CASQ2: variants seen among roughly 807,000 people sequenced by gnomAD.
CASQ2 encodes calsequestrin-2.
Under a neutral mutation model 46.5 loss-of-function variants are expected in CASQ2, and 49 were observed. That is an observed-to-expected ratio of 1.05 (90% CI 0.84 to 1.34). The LOEUF (loss-of-function observed/expected upper bound fraction) is 1.34. Among genes scored for constraint, CASQ2 ranks in the 40% most tolerant of loss-of-function variants. The probability of loss-of-function intolerance (pLI) is 0.00; values close to 1 mark genes in which losing one functional copy is unlikely to be tolerated. For synonymous variants in CASQ2, 174 were observed against 168.5 expected, an observed-to-expected ratio of 1.03 and a Z score of -0.25; for missense variants, 486 against 481.3, an observed-to-expected ratio of 1.01 and a Z score of -0.09.
Position 115,703,357 on chromosome 1 carries a change from A to T in CASQ2, c.940-362T>A, listed in dbSNP as rs577651227. On this transcript the variant is annotated intron_variant, in intron 9 of 10. Coordinates refer to ENST00000261448, the MANE Select transcript of CASQ2 (RefSeq NM_001232.4). ...AAAATACCTTATCTTGTGCTACATG[A>T]GATAGCTGGGAAAGCCATGATGGGT... 2.0e-5 allele frequency among the ~76,000 whole-genome samples: 3 copies of T among 152,270 alleles called. No individual in the cohort carries two copies. In the South Asian group the frequency reaches 6.2e-4, roughly 32 times the overall value.
At position 115,700,274 on chromosome 1, in the gene CASQ2, T is replaced by C. The variant is rs564494904; in HGVS notation, c.*967A>G. ...GCATCAGTATGAACTCCAATTATTG[T>C]TGCCCTGGCCAATTGTGGGAGTACT... On this transcript the variant is annotated 3_prime_UTR_variant, in exon 11 of 11. Coordinates refer to ENST00000261448, the MANE Select transcript of CASQ2 (RefSeq NM_001232.4). 77 of 152,660 alleles carry C rather than the reference T, an allele frequency of 5.0e-4. 1 individual carries two copies. Among genetic ancestry groups the C allele is most frequent in the Admixed American group, 4.6e-3 (70 of 15,290 alleles). The allele number at this position is 152,660 out of a possible 1,614,324, so 9.5% of individuals were successfully genotyped here. A position where few individuals can be genotyped will look rare whatever the true frequency, so the allele number is the denominator to read the frequency against.
intron 1 of CASQ2, among the ~76,000 whole-genome samples, chr1:115,754,321 T>C (rs1648682498): frequency 6.6e-6 from 1 of 152,116 alleles, no homozygotes; most frequent in Admixed American, 6.5e-5. Flanking sequence ...GAGAGGCTGT[T>C]GATTGTTTTT....
chr1:115,758,325 G>C (rs566149964), intron 1 of CASQ2, among the ~76,000 whole-genome samples: 2 of 152,336 alleles, frequency 1.3e-5, no homozygotes, highest in South Asian at 4.1e-4. Context: ...ATGGTTTATG[G>C]TAAGTTCATA....
chr1:115,758,503 T>C (rs1370856305), intron 1 of CASQ2, among the ~76,000 whole-genome samples: 1 of 152,198 alleles, frequency 6.6e-6, no homozygotes, highest in Non-Finnish European at 1.5e-5. Context: ...GCAGGTGCTG[T>C]AGTTTGGACG....
intron 6 of CASQ2, among the ~76,000 whole-genome samples, chr1:115,726,337 T>C (rs908235819): frequency 6.6e-6 from 1 of 152,218 alleles, no homozygotes; most frequent in Non-Finnish European, 1.5e-5. Context: ...AAATAAACTT[T>C]TACTGGTACA....
chr1:115,703,158 C>T (rs367893692), intron 9 of CASQ2, among the ~76,000 whole-genome samples, 163 bp from the exon 10 acceptor site: 13 of 152,218 alleles, frequency 8.5e-5, no homozygotes, highest in African/African-American at 2.7e-4. Context: ...CCTTCAAGCA[C>T]TTCAAATAAG....
intron 5 of CASQ2, among the ~76,000 whole-genome samples, chr1:115,730,094 G>T (rs774409879): frequency 1.3e-5 from 2 of 152,216 alleles, no homozygotes; most frequent in Non-Finnish European, 2.9e-5. Flanking sequence ...TAATAGATCA[G>T]TACTGGTCCT....
intron 9 of CASQ2, among the ~76,000 whole-genome samples, chr1:115,704,129 C>T (rs1165674264): frequency 1.3e-5 from 2 of 152,150 alleles, no homozygotes; most frequent in African/African-American, 4.8e-5. Flanking sequence ...TTGATTCACC[C>T]CCTCCTCTAC....
intron 1 of CASQ2, among the ~76,000 whole-genome samples, chr1:115,754,591 G>A (rs61583642): frequency 0.068 from 10,408 of 152,126 alleles, 1,205 homozygotes; most frequent in African/African-American, 0.24. Flanking sequence ...TAACCAACTT[G>A]CCTGGGGACA....
chr1:115,725,582 A>C (rs1250135222), intron 6 of CASQ2, 29 bp from the exon 7 acceptor site: 2 of 1,581,662 alleles, frequency 1.3e-6, no homozygotes, highest in East Asian at 4.5e-5. Context: ...AAAAAAAAAG[A>C]AAGAGCTTCC....
intron 7 of CASQ2, among the ~76,000 whole-genome samples, chr1:115,718,178 A>G (rs1445383005): frequency 6.6e-6 from 1 of 152,244 alleles, no homozygotes; most frequent in African/African-American, 2.4e-5. Flanking sequence ...GCACTAAATG[A>G]GCCTCACTCC....
chr1:115,700,361 A>T lies in CASQ2; in HGVS notation c.*880T>A, dbSNP rs1654168136. ...ATCTTTAATCTAAATGGGAAGGCTC[A>T]CTAGCAGCTACAGAGAAGGGGTATT... On this transcript the variant is annotated 3_prime_UTR_variant, in exon 11 of 11. Transcript: ENST00000261448. 1 of 152,608 alleles carries T rather than the reference A, an allele frequency of 6.6e-6. No individual in the cohort carries two copies. The allele number at this position is 152,608 out of a possible 1,614,324, so 9.5% of individuals were successfully genotyped here. A position where few individuals can be genotyped will look rare whatever the true frequency, so the allele number is the denominator to read the frequency against.
intron 3 of CASQ2, 81 bp from the exon 4 acceptor site, chr1:115,738,416 A>G (rs781450444): frequency 2.1e-6 from 2 of 933,200 alleles, no homozygotes; most frequent in Non-Finnish European, 3.5e-6. Flanking sequence ...CATTGGAGGG[A>G]AGTTGTAGCG....
chr1:115,701,086 T>G lies in CASQ2; in HGVS notation c.*155A>C. 8.8e-7 allele frequency: 1 copy of G among 1,136,628 alleles called. No homozygotes were observed. The highest frequency in any genetic ancestry group is 1.3e-6 in the Non-Finnish European group (1 of 753,256). 70.4% of individuals were successfully genotyped at this position (1,136,628 alleles called of 1,614,324 possible). ...ATTTGAAAAGGCATTTGCTGAATGA[T>G]GCTGCTCCTGACGCAAAGGGAGTGG... is the stretch of plus-strand genomic sequence containing the variant. On this transcript the variant is annotated 3_prime_UTR_variant, in exon 11 of 11. Coordinates refer to ENST00000261448, the MANE Select transcript of CASQ2 (RefSeq NM_001232.4).
intron 3 of CASQ2, 135 bp from the exon 4 acceptor site, chr1:115,738,470 C>A: frequency 1.4e-6 from 1 of 728,410 alleles, no homozygotes; most frequent in South Asian, 1.4e-5. Context: ...ATTCTCCCCA[C>A]AATCCCCCAG....
intron 1 of CASQ2, among the ~76,000 whole-genome samples, chr1:115,759,079 A>T (rs4504890): frequency 0.063 from 9,553 of 152,252 alleles, 412 homozygotes; most frequent in Admixed American, 0.13. Flanking sequence ...TGATAAAGTG[A>T]CATTTAAGCA....
intron 1 of CASQ2, among the ~76,000 whole-genome samples, chr1:115,753,731 T>C (rs4839480): frequency 1 from 151,610 of 152,302 alleles, 75,469 homozygotes; most frequent in Middle Eastern, 1. Flanking sequence ...AAGAAAGTTA[T>C]ATTTGTACCA....
intron 9 of CASQ2, among the ~76,000 whole-genome samples, chr1:115,704,210 T>C (rs966212136): frequency 3.9e-5 from 6 of 152,236 alleles, no homozygotes; most frequent in Non-Finnish European, 8.8e-5. Context: ...TCATCAGTCA[T>C]GACCTATGCA....
At chr1:115,702,019 TTCAAGCGATTC>T (rs1388960225) in intron 10 of CASQ2, among the ~76,000 whole-genome samples, 1 of 151,666 alleles carries the variant, frequency 6.6e-6, no homozygotes, top group Non-Finnish European at 1.5e-5. Flanking sequence ...GCCTCCTGGG[TTCAAGCGATTC>T]TCTTGCCTCA....
Sources: gnomAD v4.1 joint callset for allele counts (sites outside exome capture counted in the v4.1 genomes callset) on GRCh38, gnomAD v4.1.1 for gene constraint, MANE v1.5 for transcripts, NCBI Gene and HGNC (gene_info 2026-07-23, HGNC 2026-07-21) for gene names.